Variants in CSMD1 observed in about 807,000 individuals in gnomAD.
CSMD1 encodes CUB and sushi domain-containing protein 1.
In CSMD1, 213 loss-of-function variants were observed where a neutral mutation model predicts 417.5. The ratio of observed to expected loss-of-function variants is 0.51; its 90% CI spans 0.46 to 0.57. The LOEUF is 0.57. CSMD1 is among the 20% of genes least tolerant of loss of function. The pLI is 0.00. For missense variants in CSMD1, 6,923 were observed against 4,529.7 expected, an observed-to-expected ratio of 1.53 and a Z score of -15.17; for synonymous variants, 2,862 against 1,736.8, an observed-to-expected ratio of 1.65 and a Z score of -16.11.
At chr8:3,866,822 A>C (rs1805137597) in intron 5 of CSMD1, among the ~76,000 whole-genome samples, 1 of 152,168 alleles carries the variant, frequency 6.6e-6, no homozygotes, top group Non-Finnish European at 1.5e-5. Context: ...GAAGGACTTC[A>C]AATCGGTATT....
intron 6 of CSMD1, among the ~76,000 whole-genome samples, chr8:3,740,026 A>G (rs1796712644): frequency 6.6e-6 from 1 of 152,220 alleles, no homozygotes; most frequent in African/African-American, 2.4e-5. Context: ...TGAAATACCA[A>G]TAAAATTCGT....
chr8:3,966,417 T>A (rs1023568713), intron 5 of CSMD1, among the ~76,000 whole-genome samples: 1 of 152,182 alleles, frequency 6.6e-6, no homozygotes, highest in African/African-American at 2.4e-5. Context: ...AATACATATA[T>A]ATCAGGTATT....
intron 5 of CSMD1, among the ~76,000 whole-genome samples, chr8:3,794,407 A>G (rs184627865): frequency 1.9e-4 from 29 of 152,292 alleles, no homozygotes; most frequent in Non-Finnish European, 8.8e-5. Context: ...TCTATCACTA[A>G]CAACCTGTAC....
At chr8:3,694,622 G>A (rs1800446951) in intron 7 of CSMD1, among the ~76,000 whole-genome samples, 1 of 151,982 alleles carries the variant, frequency 6.6e-6, no homozygotes, top group Non-Finnish European at 1.5e-5. Flanking sequence ...ACCCAGCCCT[G>A]GGCATGAGAG....
At chr8:3,780,030 C>T (rs1799092966) in intron 5 of CSMD1, among the ~76,000 whole-genome samples, 1 of 152,238 alleles carries the variant, frequency 6.6e-6, no homozygotes, top group African/African-American at 2.4e-5. Flanking sequence ...CTGGTATTCA[C>T]ACTCTACTTC....
At chr8:3,337,755 G>C (rs1017510690) in intron 23 of CSMD1, among the ~76,000 whole-genome samples, 1 of 152,106 alleles carries the variant, frequency 6.6e-6, no homozygotes, top group Non-Finnish European at 1.5e-5. Context: ...CGGCCTAATG[G>C]GTAGAGAGAA....
chr8:4,442,964 T>C (rs910022658), intron 2 of CSMD1, among the ~76,000 whole-genome samples: 4 of 152,126 alleles, frequency 2.6e-5, no homozygotes, highest in Non-Finnish European at 5.9e-5. Context: ...GCACCACAGG[T>C]ATCTCCAAAA....
chr8:4,834,942 G>A (rs1424345600), intron 1 of CSMD1, among the ~76,000 whole-genome samples: 2 of 103,188 alleles, frequency 1.9e-5, no homozygotes, highest in Admixed American at 1.6e-4. Flanking sequence ...GGGCGACAGG[G>A]CCAGACTCCA....
chr8:3,249,446 A>G (rs183623656), intron 26 of CSMD1, among the ~76,000 whole-genome samples: 10 of 151,670 alleles, frequency 6.6e-5, no homozygotes, highest in African/African-American at 1.9e-4. Flanking sequence ...CTGGCCTTGA[A>G]CTCCTGACCT....
At chr8:4,497,050 T>C (rs1394762389) in intron 2 of CSMD1, among the ~76,000 whole-genome samples, 1 of 152,188 alleles carries the variant, frequency 6.6e-6, no homozygotes. Context: ...CTCTGTCTCT[T>C]TCTCCTGCTT....
chr8:4,421,868 G>T (rs1429224651), intron 2 of CSMD1, among the ~76,000 whole-genome samples: 1 of 151,838 alleles, frequency 6.6e-6, no homozygotes, highest in Non-Finnish European at 1.5e-5. Flanking sequence ...AACAAATAAT[G>T]AAAGAGCCAG....
Position 4,510,390 on chromosome 8 carries a change from T to TAAAAAAAAAAAAAA in CSMD1, c.303-90339_303-90326dup, listed in dbSNP as rs34791623. On this transcript the variant is annotated intron_variant, in intron 2 of 69. Coordinates refer to ENST00000635120, the MANE Select transcript of CSMD1 (RefSeq NM_033225.6). ...GTAGACAATTAAAAAGCATAATGCC[T>TAAAAAAAAAAAAAA]AAAAAAAAAAAAAAAAAAAAAAAAA... Among the ~76,000 whole-genome samples the TAAAAAAAAAAAAAA allele has an allele frequency of 8.4e-4, 46 of 54,640 alleles. 2 individuals are homozygous for TAAAAAAAAAAAAAA. The highest frequency in any genetic ancestry group is 1.7e-3 in the African/African-American group (22 of 12,962). The allele number at this position is 54,640 out of a possible 152,430, so 35.8% of individuals were successfully genotyped here.
At chr8:2,990,544 C>T (rs1239331323) in intron 54 of CSMD1, among the ~76,000 whole-genome samples, 2 of 152,148 alleles carry the variant, frequency 1.3e-5, no homozygotes, top group African/African-American at 2.4e-5. Context: ...ACTATACGAT[C>T]GACTTGCTAA....
At chr8:4,214,654 G>A (rs979551492) in intron 3 of CSMD1, among the ~76,000 whole-genome samples, 1 of 152,024 alleles carries the variant, frequency 6.6e-6, no homozygotes, top group African/African-American at 2.4e-5. Context: ...GCACGTGTAT[G>A]TGTGTGTGTA....
chr8:3,126,729 T>A (rs973632811), intron 41 of CSMD1, among the ~76,000 whole-genome samples: 1 of 152,180 alleles, frequency 6.6e-6, no homozygotes, highest in Non-Finnish European at 1.5e-5. Flanking sequence ...CTCCATTTGT[T>A]CTCTTAGCTC....
chr8:4,895,974 T>A lies in CSMD1; in HGVS notation c.85+98358A>T, dbSNP rs573614563. ...CCATTTTCAGACCTAATTTTCAATGTTTAAATTCTTGCCATCCTCCCCTAA... is the reference window on the plus strand; with the variant it reads ...CCATTTTCAGACCTAATTTTCAATGATTAAATTCTTGCCATCCTCCCCTAA... On this transcript the variant is annotated intron_variant, in intron 1 of 69. Transcript: ENST00000635120. Among the ~76,000 whole-genome samples the A allele has an allele frequency of 8.0e-4, 121 of 152,186 alleles. 1 individual carries two copies. Among genetic ancestry groups the A allele is most frequent in the Admixed American group, 4.3e-3 (66 of 15,276 alleles).
chr8:4,186,233 G>T (rs1315427957), intron 3 of CSMD1, among the ~76,000 whole-genome samples: 3 of 152,124 alleles, frequency 2.0e-5, no homozygotes, highest in Non-Finnish European at 2.9e-5. Context: ...GCCAAACTGT[G>T]TTGCCATACT....
At chr8:4,302,522 G>A (rs947172251) in intron 3 of CSMD1, among the ~76,000 whole-genome samples, 5 of 152,118 alleles carry the variant, frequency 3.3e-5, no homozygotes, top group Admixed American at 6.6e-5. Context: ...TTGCATGTAG[G>A]AAGTCAGATT....
intron 2 of CSMD1, among the ~76,000 whole-genome samples, chr8:4,453,395 A>C (rs1799269216): frequency 1.3e-5 from 2 of 152,272 alleles, no homozygotes; most frequent in South Asian, 4.1e-4. Flanking sequence ...CTTGGTGCTG[A>C]AGTCAGGAGA....
Sources: gnomAD v4.1 joint callset for allele counts (sites outside exome capture counted in the v4.1 genomes callset) on GRCh38, gnomAD v4.1.1 for gene constraint, MANE v1.5 for transcripts, NCBI Gene and HGNC (gene_info 2026-07-23, HGNC 2026-07-21) for gene names.